Variants in RAB6B observed in about 807,000 individuals in gnomAD.
RAB6B encodes ras-related protein Rab-6B.
RAB6B carries 7 observed loss-of-function variants against 31.2 expected under a neutral mutation model. The observed-to-expected ratio is 0.22, with a 90% CI of 0.13 to 0.42. The LOEUF is 0.42. RAB6B is among the 10% of genes least tolerant of loss of function. RAB6B has a pLI of 1.00. For missense variants in RAB6B, 149 were observed against 280.6 expected (o/e 0.53, Z 3.35); for synonymous variants, 105 against 104.9 (o/e 1.00, Z -0.01).
intron 1 of RAB6B, among the ~76,000 whole-genome samples, chr3:133,882,157 C>T (rs1936474097): frequency 6.6e-6 from 1 of 152,180 alleles, no homozygotes; most frequent in African/African-American, 2.4e-5. Flanking sequence ...TTCCTGAAGG[C>T]CACCCACATC....
chr3:133,889,393 T>C (rs1422940645), intron 1 of RAB6B, among the ~76,000 whole-genome samples: 3 of 10,800 alleles, frequency 2.8e-4, no homozygotes, highest in Non-Finnish European at 6.0e-4. Context: ...TTTTGTTATA[T>C]ATATATATAT....
At chr3:133,845,868 T>TAA (rs1374511844) in intron 2 of RAB6B, among the ~76,000 whole-genome samples, 6 of 146,740 alleles carry the variant, frequency 4.1e-5, no homozygotes, top group African/African-American at 1.0e-4. Context: ...TATAAATAGG[T>TAA]AAAAAAAAAA....
At chr3:133,891,894 A>G (rs913859900) in intron 1 of RAB6B, among the ~76,000 whole-genome samples, 7 of 152,226 alleles carry the variant, frequency 4.6e-5, no homozygotes, top group African/African-American at 1.7e-4. Context: ...GAAAGCAGAC[A>G]GAGCTTTTGC....
intron 1 of RAB6B, among the ~76,000 whole-genome samples, chr3:133,882,155 G>A (rs939820081): frequency 6.6e-6 from 1 of 152,118 alleles, no homozygotes; most frequent in Non-Finnish European, 1.5e-5. Flanking sequence ...ATTTCCTGAA[G>A]GCCACCCACA....
intron 1 of RAB6B, among the ~76,000 whole-genome samples, chr3:133,891,841 G>C (rs1274488013): frequency 2.6e-5 from 4 of 152,238 alleles, no homozygotes; most frequent in Admixed American, 6.5e-5. Flanking sequence ...GGGCAGGCAG[G>C]TGGCTGGTCA....
Position 133,839,621 on chromosome 3 carries a change from G to A in RAB6B, c.290-4C>T, listed in dbSNP as rs775616778. On this transcript the variant is annotated splice_region_variant and splice_polypyrimidine_tract_variant and intron_variant, in intron 4 of 7. Transcript: ENST00000285208. ...GTCTGTTGGAAGGAGTTGAGATCTG[G>A]AGGCAGAAAGTGAGGATAAACTGAA... The A allele has an allele frequency of 6.2e-7, 1 of 1,605,020 alleles. No individual in the cohort carries two copies. Among genetic ancestry groups the A allele is most frequent in the Non-Finnish European group, 8.5e-7 (1 of 1,171,756 alleles).
chr3:133,893,352 C>A (rs916638870), intron 1 of RAB6B, among the ~76,000 whole-genome samples: 5 of 152,224 alleles, frequency 3.3e-5, no homozygotes, highest in Non-Finnish European at 5.9e-5. Flanking sequence ...GGACTCCAGG[C>A]AAGGCCTCCC....
intron 1 of RAB6B, among the ~76,000 whole-genome samples, chr3:133,868,029 G>A (rs1180023005): frequency 6.6e-6 from 1 of 152,054 alleles, no homozygotes; most frequent in South Asian, 2.1e-4. Context: ...CTTTGTCTCT[G>A]GGGAAGTGTC....
chr3:133,895,513 G>A lies in RAB6B; in HGVS notation c.-47C>T. On this transcript the variant is annotated 5_prime_UTR_variant, in exon 1 of 8. Transcript: ENST00000285208. Reference sequence around the variant, plus strand: ...GAGAGGAGGAGGAGGAAAAAGCGAAGGAGCAGGGAGGGGAGAGTAGGAGGG... The same window carrying A: ...GAGAGGAGGAGGAGGAAAAAGCGAAAGAGCAGGGAGGGGAGAGTAGGAGGG... The A allele has an allele frequency of 6.3e-7, 1 of 1,592,064 alleles. No individual in the cohort carries two copies. Among genetic ancestry groups the A allele is most frequent in the East Asian group, 2.2e-5 (1 of 44,532 alleles).
chr3:133,874,365 T>C (rs1369943099), intron 1 of RAB6B, among the ~76,000 whole-genome samples: 1 of 152,244 alleles, frequency 6.6e-6, no homozygotes, highest in African/African-American at 2.4e-5. Context: ...CTATTGCTTC[T>C]AGGCTACAAA....
At chr3:133,858,357 T>C (rs1247477740) in intron 2 of RAB6B, among the ~76,000 whole-genome samples, 2 of 152,254 alleles carry the variant, frequency 1.3e-5, no homozygotes, top group African/African-American at 4.8e-5. Context: ...TAACATGTTT[T>C]TAAAGGAAGA....
At chr3:133,894,632 G>A (rs1217479512) in intron 1 of RAB6B, 3 of 152,246 alleles carry the variant, frequency 2.0e-5, no homozygotes, top group African/African-American at 7.2e-5. Flanking sequence ...CTCGGTGTGA[G>A]GTGCCCCTGT....
chr3:133,889,067 T>G (rs1011628124), intron 1 of RAB6B, among the ~76,000 whole-genome samples: 1 of 152,304 alleles, frequency 6.6e-6, no homozygotes, highest in African/African-American at 2.4e-5. Flanking sequence ...TAGTCCACCC[T>G]GAATGTTTAT....
rs1935575298 is a variant in RAB6B at position 133,826,977 on chromosome 3, A to G, written c.*1811T>C. Reference sequence around the variant, plus strand: ...CACATATAAAAACTAAACACATGACATCTGAAACACGTTCAAACATTGGTC... The same window carrying G: ...CACATATAAAAACTAAACACATGACGTCTGAAACACGTTCAAACATTGGTC... On this transcript the variant is annotated 3_prime_UTR_variant, in exon 8 of 8. Coordinates refer to ENST00000285208, the MANE Select transcript of RAB6B (RefSeq NM_016577.4). The G allele has an allele frequency of 6.5e-6, 1 of 152,692 alleles. No individual in the cohort carries two copies. The highest frequency in any genetic ancestry group is 2.4e-5 in the African/African-American group (1 of 41,466). The allele number at this position is 152,692 out of a possible 1,614,324, so 9.5% of individuals were successfully genotyped here.
intron 1 of RAB6B, among the ~76,000 whole-genome samples, chr3:133,890,029 T>C (rs1219037645): frequency 6.6e-6 from 1 of 152,206 alleles, no homozygotes; most frequent in Non-Finnish European, 1.5e-5. Flanking sequence ...GTTCTGGGCC[T>C]GTACCCAACC....
chr3:133,834,554 C>A, intron 7 of RAB6B, 21 bp downstream of exon 7: 1 of 1,600,122 alleles, frequency 6.2e-7, no homozygotes, highest in Non-Finnish European at 8.6e-7. Flanking sequence ...TTTTCACTCA[C>A]TTGTCAAAGG....
chr3:133,864,042 C>T (rs568609006), intron 2 of RAB6B, among the ~76,000 whole-genome samples: 1 of 152,180 alleles, frequency 6.6e-6, no homozygotes, highest in East Asian at 1.9e-4. Flanking sequence ...GAGGTCACCG[C>T]ATCCAGCCTC....
At chr3:133,872,620 C>G (rs1175933584) in intron 1 of RAB6B, among the ~76,000 whole-genome samples, 1 of 152,220 alleles carries the variant, frequency 6.6e-6, no homozygotes, top group Non-Finnish European at 1.5e-5. Context: ...CACACCCTAC[C>G]CTGCCACCCT....
chr3:133,829,808 GCTCAGAGCCAACTTTTTGGCCAC>G (rs1935629231), intron 7 of RAB6B, among the ~76,000 whole-genome samples: 1 of 152,202 alleles, frequency 6.6e-6, no homozygotes, highest in African/African-American at 2.4e-5. Context: ...CTGTGAGGAT[GCTCAGAGCCAACTTTTTGGCCAC>G]CTCTAACAAC....
Sources: allele counts gnomAD v4.1 joint callset (sites outside exome capture counted in the v4.1 genomes callset), GRCh38; gene constraint gnomAD v4.1.1; transcripts MANE v1.5; gene names NCBI Gene and HGNC (gene_info 2026-07-23, HGNC 2026-07-21).